Variants in SPIN1 observed in about 807,000 individuals in gnomAD.
SPIN1 encodes the protein spindlin-1.
A neutral mutation model predicts 26.0 loss-of-function variants in SPIN1; 3 were observed. The ratio of observed to expected loss-of-function variants is 0.12; its 90% CI spans 0.05 to 0.30. The LOEUF is 0.30. SPIN1 is among the 10% of genes least tolerant of loss of function. SPIN1 has a pLI of 1.00. For missense variants in SPIN1, 126 were observed against 333.4 expected, an observed-to-expected ratio of 0.38 and a Z score of 4.84; for synonymous variants, 101 against 116.5, an observed-to-expected ratio of 0.87 and a Z score of 0.86.
chr9:88,439,829 T>C (rs1216361457), intron 2 of SPIN1, among the ~76,000 whole-genome samples: 1 of 152,216 alleles, frequency 6.6e-6, no homozygotes, highest in African/African-American at 2.4e-5. Context: ...TAGCAAGCTG[T>C]ATCTTTTCTT....
intron 1 of SPIN1, among the ~76,000 whole-genome samples, chr9:88,399,540 A>C (rs776922555): frequency 1.1e-4 from 16 of 152,040 alleles, no homozygotes; most frequent in Non-Finnish European, 1.0e-4. Context: ...ATCCTTGGCA[A>C]ATGTAGCCCA....
intron 3 of SPIN1, among the ~76,000 whole-genome samples, chr9:88,461,346 C>T (rs1828573574): frequency 6.6e-6 from 1 of 152,124 alleles, no homozygotes; most frequent in South Asian, 2.1e-4. Flanking sequence ...CTCCCAGTCT[C>T]CTTGGTTAGG....
chr9:88,418,934 T>C (rs983941329), intron 1 of SPIN1: 1 of 152,202 alleles, frequency 6.6e-6, no homozygotes, highest in East Asian at 1.9e-4. Context: ...GAGTGCTCAG[T>C]GAACAGTCAT....
At chr9:88,449,737 C>T (rs1828321774) in intron 3 of SPIN1, among the ~76,000 whole-genome samples, 1 of 152,158 alleles carries the variant, frequency 6.6e-6, no homozygotes. Context: ...CTGGAAATGT[C>T]ACTTGAACAA....
chr9:88,399,265 C>A (rs924493991), intron 1 of SPIN1, among the ~76,000 whole-genome samples: 3 of 152,106 alleles, frequency 2.0e-5, no homozygotes, highest in Non-Finnish European at 4.4e-5. Flanking sequence ...AACTCCTGAC[C>A]TCGTGATCCA....
chr9:88,431,334 G>A (rs1434010213), intron 2 of SPIN1, among the ~76,000 whole-genome samples: 1 of 148,494 alleles, frequency 6.7e-6, no homozygotes, highest in African/African-American at 2.5e-5. Flanking sequence ...CTGTCGGCCT[G>A]GGCTGGAATG....
At chr9:88,389,757 A>T (rs935701389) in intron 1 of SPIN1, among the ~76,000 whole-genome samples, 2 of 152,196 alleles carry the variant, frequency 1.3e-5, no homozygotes, top group Non-Finnish European at 2.9e-5. Context: ...ATGCAATCCG[A>T]AAGGATTAAT....
intron 1 of SPIN1, among the ~76,000 whole-genome samples, chr9:88,392,834 C>A (rs1442802821): frequency 6.6e-6 from 1 of 152,162 alleles, no homozygotes. Context: ...ACTGCCTACA[C>A]CACCTGTAGT....
chr9:88,399,222 C>T (rs926806410), intron 1 of SPIN1, among the ~76,000 whole-genome samples: 2 of 151,742 alleles, frequency 1.3e-5, no homozygotes, highest in East Asian at 2.0e-4. Context: ...TTAGTGGAGA[C>T]GGGGTTTCAC....
intron 1 of SPIN1, among the ~76,000 whole-genome samples, chr9:88,415,277 G>A (rs1471228954): frequency 6.6e-6 from 1 of 152,116 alleles, no homozygotes; most frequent in Non-Finnish European, 1.5e-5. Flanking sequence ...TATGATAGCT[G>A]CTTTGCCAGG....
chr9:88,450,132 T>C (rs1334990569), intron 3 of SPIN1, among the ~76,000 whole-genome samples: 2 of 152,246 alleles, frequency 1.3e-5, no homozygotes, highest in Non-Finnish European at 1.5e-5. Flanking sequence ...CATGTGCTCA[T>C]CATCTTCATG....
At chr9:88,439,735 C>T (rs1206522282) in intron 2 of SPIN1, among the ~76,000 whole-genome samples, 1 of 152,102 alleles carries the variant, frequency 6.6e-6, no homozygotes, top group South Asian at 2.1e-4. Flanking sequence ...TGTAATGCCC[C>T]CCTTTATCTT....
chr9:88,400,760 G>T (rs766091173), intron 1 of SPIN1, among the ~76,000 whole-genome samples: 1 of 151,796 alleles, frequency 6.6e-6, no homozygotes, highest in Non-Finnish European at 1.5e-5. Flanking sequence ...CAGGAGAATC[G>T]CTTGAGCCCA....
chr9:88,439,670 C>T (rs1421721016), intron 2 of SPIN1, among the ~76,000 whole-genome samples: 2 of 152,160 alleles, frequency 1.3e-5, no homozygotes, highest in African/African-American at 4.8e-5. Context: ...CATTTTTAGG[C>T]ACATACACAT....
intron 2 of SPIN1, among the ~76,000 whole-genome samples, chr9:88,436,754 CTTTTTTTTTTTTTT>C (rs776223657): frequency 7.1e-5 from 7 of 98,782 alleles, no homozygotes; most frequent in Non-Finnish European, 1.2e-4. Flanking sequence ...TCCTCTGTGT[CTTTTTTTTTTTTTT>C]TTTTTTTTTT....
chr9:88,410,607 A>G (rs1029331933), intron 1 of SPIN1: 11 of 940,982 alleles, frequency 1.2e-5, no homozygotes, highest in African/African-American at 9.6e-5. Context: ...ATGGTTTGGC[A>G]TAGTATTGGC....
chr9:88,440,570 T>C (rs1828100372), intron 2 of SPIN1, among the ~76,000 whole-genome samples: 1 of 152,124 alleles, frequency 6.6e-6, no homozygotes, highest in Admixed American at 6.6e-5. Context: ...TCTCTCTCGC[T>C]TCCTTTCTAC....
rs1016562452 is a variant in SPIN1, at chr9:88,469,130, A to G, written c.589+525A>G. Reference sequence around the variant, plus strand: ...TCTGTGGATTGGGGGTTGGGTGTGGATATGGTGGTTTTGGAGGCATTAGAT... The same window carrying G: ...TCTGTGGATTGGGGGTTGGGTGTGGGTATGGTGGTTTTGGAGGCATTAGAT... On this transcript the variant is annotated intron_variant, in intron 5 of 5. Coordinates refer to ENST00000375859, the MANE Select transcript of SPIN1 (RefSeq NM_006717.3). 2.6e-5 allele frequency among the ~76,000 whole-genome samples: 4 copies of G among 152,102 alleles called. No homozygotes were observed. The East Asian group carries it at 7.7e-4, about 29-fold the overall frequency.
rs1050706773 is a variant in SPIN1, at chr9:88,390,831, C to T, written c.-159+2293C>T. Among the ~76,000 whole-genome samples the T allele has an allele frequency of 3.9e-5, 6 of 152,194 alleles. No individual in the cohort carries two copies. The South Asian group carries it at 8.3e-4, about 21-fold the overall frequency. Reference sequence around the variant, plus strand: ...GTCCAAAGCCACATAACTGATTCATCATGCAGCCTTTTTTTAAAAAAAGTT... The same window carrying T: ...GTCCAAAGCCACATAACTGATTCATTATGCAGCCTTTTTTTAAAAAAAGTT... On this transcript the variant is annotated intron_variant, in intron 1 of 5. Coordinates refer to ENST00000375859, the MANE Select transcript of SPIN1 (RefSeq NM_006717.3).
Sources: allele counts gnomAD v4.1 joint callset (sites outside exome capture counted in the v4.1 genomes callset), GRCh38; gene constraint gnomAD v4.1.1; transcripts MANE v1.5; gene names NCBI Gene and HGNC (gene_info 2026-07-23, HGNC 2026-07-21).